The following MCOLN3 variants were observed in gnomAD, a reference collection of about 807,000 sequenced individuals.
MCOLN3 encodes the protein mucolipin-3.
Under a neutral mutation model 69.4 loss-of-function variants are expected in MCOLN3, and 62 were observed. The ratio of observed to expected loss-of-function variants is 0.89; its 90% CI spans 0.73 to 1.10. MCOLN3 has a LOEUF of 1.10. Ranked by LOEUF, MCOLN3 falls within the 50% of genes least tolerant of loss-of-function variation. The probability of loss-of-function intolerance (pLI) is 0.00; values close to 1 mark genes in which losing one functional copy is unlikely to be tolerated. For missense variants in MCOLN3, 564 were observed against 656.4 expected, an observed-to-expected ratio of 0.86 and a Z score of 1.54; for synonymous variants, 183 against 217.0, an observed-to-expected ratio of 0.84 and a Z score of 1.38.
chr1:85,041,065 T>C lies in MCOLN3; in HGVS notation c.341A>G (p.Tyr114Cys), dbSNP rs1349293552. The change falls in exon 3 of 13, where the codon TAT becomes TGT. Residue 114 changes from tyrosine to cysteine, a missense_variant. By Grantham distance (194) the Tyr-to-Cys change is radical. Transcript: ENST00000370589. ...KGYMDRMDDT[Y>C]AVYTQSDVYD... Reference sequence around the variant, plus strand: ...CACGTCACTTTGTGTGTACACTGCATATGTGTCATCCATTCGGTCCATATA... The same window carrying C: ...CACGTCACTTTGTGTGTACACTGCACATGTGTCATCCATTCGGTCCATATA... 1 of 1,613,990 alleles carries C rather than the reference T, an allele frequency of 6.2e-7. No individual in the cohort carries two copies. Among genetic ancestry groups the C allele is most frequent in the Non-Finnish European group, 8.5e-7 (1 of 1,179,990 alleles).
At chr1:85,026,425 G>A in intron 7 of MCOLN3, 141 bp from the exon 8 acceptor site, 3 of 653,162 alleles carry the variant, frequency 4.6e-6, no homozygotes, top group South Asian at 4.0e-5. Flanking sequence ...CTTCCAATTA[G>A]TATTTGAAGA....
intron 4 of MCOLN3, 114 bp from the exon 5 acceptor site, chr1:85,033,070 T>A: frequency 1.1e-6 from 1 of 948,192 alleles, no homozygotes; most frequent in Non-Finnish European, 1.6e-6. Flanking sequence ...GATTCTATTA[T>A]TTTTCTGAAT....
At chr1:85,043,077 A>T (rs1192562812) in intron 2 of MCOLN3, among the ~76,000 whole-genome samples, 3 of 152,224 alleles carry the variant, frequency 2.0e-5, no homozygotes, top group African/African-American at 7.2e-5. Flanking sequence ...TTAAGAAGTA[A>T]TTACGAACAT....
chr1:85,024,745 A>G (rs1407042082), intron 9 of MCOLN3: 1 of 152,178 alleles, frequency 6.6e-6, no homozygotes, highest in African/African-American at 2.4e-5. Flanking sequence ...GTTGGTAAAA[A>G]TAAAGATTTG....
intron 9 of MCOLN3, chr1:85,024,791 G>C (rs1001575980): frequency 5.3e-5 from 8 of 151,310 alleles, no homozygotes; most frequent in African/African-American, 1.9e-4. Context: ...TTTTTGTTTT[G>C]GTTTTTTATT....
intron 2 of MCOLN3, among the ~76,000 whole-genome samples, chr1:85,042,520 C>T (rs1204171802): frequency 1.3e-5 from 2 of 152,156 alleles, no homozygotes; most frequent in Non-Finnish European, 2.9e-5. Flanking sequence ...GACCAAACAG[C>T]CCCAAAGAAT....
Position 85,041,185 on chromosome 1 carries a change from GA to G in MCOLN3, c.229-9del. ...TAGCCCAAATAAGACCAGCTTAAAAGAAAAAAAAGAAAAGGTAAGAGGGTGG... is the reference window on the plus strand; with the variant it reads ...TAGCCCAAATAAGACCAGCTTAAAAGAAAAAAAGAAAAGGTAAGAGGGTGG... On this transcript the variant is annotated splice_polypyrimidine_tract_variant and intron_variant, in intron 2 of 12. Transcript: ENST00000370589. 1.2e-6 allele frequency: 2 copies of G among 1,601,550 alleles called. No homozygotes were observed. The highest frequency in any genetic ancestry group is 8.5e-7 in the Non-Finnish European group (1 of 1,175,686).
chr1:85,024,486 A>G (rs1041465218), intron 9 of MCOLN3: 13 of 152,048 alleles, frequency 8.5e-5, no homozygotes, highest in Admixed American at 5.9e-4. Flanking sequence ...AGCACAGTAT[A>G]TTGGCACTGA....
At chr1:85,026,451 CT>C (rs897577166) in intron 7 of MCOLN3, among the ~76,000 whole-genome samples, 167 bp from the exon 8 acceptor site, 2 of 152,138 alleles carry the variant, frequency 1.3e-5, no homozygotes, top group Non-Finnish European at 2.9e-5. Context: ...AAAAGTCTTT[CT>C]TTTAAAAAAT....
intron 2 of MCOLN3, among the ~76,000 whole-genome samples, chr1:85,041,564 A>T (rs1353034301): frequency 6.6e-6 from 1 of 152,174 alleles, no homozygotes; most frequent in Non-Finnish European, 1.5e-5. Context: ...AGGCCTTTCA[A>T]TTATACCTAA....
chr1:85,033,579 C>T (rs1267061848), intron 4 of MCOLN3, among the ~76,000 whole-genome samples: 6 of 152,122 alleles, frequency 3.9e-5, no homozygotes, highest in South Asian at 2.1e-4. Flanking sequence ...AAGAAGAATA[C>T]GCCATGCTAT....
chr1:85,032,945 C>T lies in MCOLN3; in HGVS notation c.562G>A (p.Val188Met). Residue 188 changes from valine (V) to methionine (M), a missense_variant, in exon 5 of 13, where the codon GTG becomes ATG. Physicochemically the swap from Val to Met is conservative, Grantham distance 21. Coordinates refer to ENST00000370589, the MANE Select transcript of MCOLN3 (RefSeq NM_018298.11). ...DPEIETECFFVEPDEPFHIGT... is the reference protein window; with the variant it reads ...DPEIETECFFMEPDEPFHIGT... ...ATGTGAAAAGGTTCATCTGGCTCCA[C>T]AAAGAAACACTCTGCCATAGAAAGG... 2.5e-6 allele frequency: 4 copies of T among 1,613,902 alleles called. No homozygotes were observed. The highest frequency in any genetic ancestry group is 2.5e-6 in the Non-Finnish European group (3 of 1,180,026).
At chr1:85,038,833 A>G (rs12042160) in intron 3 of MCOLN3, among the ~76,000 whole-genome samples, 18,169 of 151,910 alleles carry the variant, frequency 0.12, 1,368 homozygotes, top group East Asian at 0.25. Flanking sequence ...TCTACTAAAA[A>G]TACAAAAAAA....
At chr1:85,023,657 A>T (rs137990956) in intron 9 of MCOLN3, 6 of 152,194 alleles carry the variant, frequency 3.9e-5, no homozygotes, top group African/African-American at 1.4e-4. Flanking sequence ...AGTTCAGGGA[A>T]GAATTCTAAG....
intron 1 of MCOLN3, among the ~76,000 whole-genome samples, chr1:85,046,872 G>T (rs1006600313): frequency 6.6e-6 from 1 of 152,204 alleles, no homozygotes; most frequent in South Asian, 2.1e-4. Flanking sequence ...TGTGGCTCCT[G>T]TGTGCGTGTT....
At chr1:85,031,000 C>T (rs749400048) in intron 6 of MCOLN3, among the ~76,000 whole-genome samples, 6 of 152,076 alleles carry the variant, frequency 3.9e-5, no homozygotes, top group East Asian at 1.9e-4. Flanking sequence ...GGGCCGGGCA[C>T]GGTGGCTCAT....
intron 6 of MCOLN3, among the ~76,000 whole-genome samples, chr1:85,031,202 C>T (rs1296116203): frequency 6.8e-6 from 1 of 147,614 alleles, no homozygotes; most frequent in Non-Finnish European, 1.5e-5. Flanking sequence ...ACCCGGGAGG[C>T]AGAGGTTGCA....
At chr1:85,046,341 G>T (rs1193445932) in intron 1 of MCOLN3, among the ~76,000 whole-genome samples, 1 of 151,964 alleles carries the variant, frequency 6.6e-6, no homozygotes, top group African/African-American at 2.4e-5. Context: ...AAAGGGTTGG[G>T]TCGGGCTGGT....
chr1:85,022,567 A>C, intron 9 of MCOLN3, 167 bp from the exon 10 acceptor site: 1 of 526,600 alleles, frequency 1.9e-6, no homozygotes, highest in Non-Finnish European at 3.4e-6. Context: ...GAGGGAAGAA[A>C]GAGACAACAG....
Sources: allele counts gnomAD v4.1 joint callset (sites outside exome capture counted in the v4.1 genomes callset), GRCh38; gene constraint gnomAD v4.1.1; transcripts MANE v1.5; gene names NCBI Gene and HGNC (gene_info 2026-07-23, HGNC 2026-07-21).